Variants in COL24A1 observed in about 807,000 individuals in gnomAD.
COL24A1 encodes collagen alpha-1(XXIV) chain.
COL24A1 carries 224 observed loss-of-function variants against 253.9 expected under a neutral mutation model. The ratio of observed to expected loss-of-function variants is 0.88; its 90% CI spans 0.79 to 0.99. The LOEUF (loss-of-function observed/expected upper bound fraction) is 0.99. Among genes scored for constraint, COL24A1 ranks in the 50% least tolerant of loss-of-function variants. The pLI is 0.00. For synonymous variants in COL24A1, 685 were observed against 673.7 expected (o/e 1.02, Z -0.26); for missense variants, 2,131 against 2,068.5 (o/e 1.03, Z -0.59).
At chr1:85,816,580 G>A (rs922297801) in intron 47 of COL24A1, among the ~76,000 whole-genome samples, 1 of 152,092 alleles carries the variant, frequency 6.6e-6, no homozygotes, top group South Asian at 2.1e-4. Context: ...TTAACACTAT[G>A]AGTTATTAGA....
intron 37 of COL24A1, among the ~76,000 whole-genome samples, chr1:85,851,640 T>A (rs1677778146): frequency 1.3e-5 from 2 of 152,186 alleles, no homozygotes; most frequent in South Asian, 4.1e-4. Flanking sequence ...GGGTGCAGAA[T>A]GATGTTATCA....
At chr1:85,981,018 A>C (rs987740069) in intron 20 of COL24A1, among the ~76,000 whole-genome samples, 7 of 152,252 alleles carry the variant, frequency 4.6e-5, no homozygotes, top group Non-Finnish European at 1.0e-4. Context: ...AGCAAATGGA[A>C]ACATATCCCA....
chr1:86,067,110 G>A (rs947349032), intron 7 of COL24A1, among the ~76,000 whole-genome samples: 2 of 151,614 alleles, frequency 1.3e-5, no homozygotes, highest in South Asian at 2.1e-4. Flanking sequence ...CTGCACTCTA[G>A]CCTGGGTGAC....
At chr1:85,763,177 G>A (rs1259212701) in intron 53 of COL24A1, among the ~76,000 whole-genome samples, 1 of 152,092 alleles carries the variant, frequency 6.6e-6, no homozygotes. Context: ...AGTACTTTGG[G>A]AGGTCAAGGC....
intron 43 of COL24A1, among the ~76,000 whole-genome samples, chr1:85,826,819 T>A (rs943881790): frequency 5.9e-5 from 9 of 152,138 alleles, no homozygotes; most frequent in Non-Finnish European, 1.0e-4. Flanking sequence ...CTTAAGGAGA[T>A]TTTGGGCTGA....
intron 24 of COL24A1, among the ~76,000 whole-genome samples, chr1:85,925,053 G>C (rs1459095436): frequency 6.6e-6 from 1 of 152,122 alleles, no homozygotes; most frequent in Admixed American, 6.5e-5. Flanking sequence ...GCCAAATCAT[G>C]AGTGAACTCT....
At chr1:85,796,539 C>T (rs1670823113) in intron 47 of COL24A1, among the ~76,000 whole-genome samples, 1 of 152,116 alleles carries the variant, frequency 6.6e-6, no homozygotes, top group Non-Finnish European at 1.5e-5. Flanking sequence ...TCTACTCATA[C>T]TATCTTATTT....
chr1:86,156,248 CG>C, intron 1 of COL24A1, 92 bp downstream of exon 1: 1 of 1,252,506 alleles, frequency 8.0e-7, no homozygotes. Flanking sequence ...GCCAAGGAGC[CG>C]GACTTCAGAT....
chr1:86,092,700 TATA>T (rs1180261139), intron 5 of COL24A1, among the ~76,000 whole-genome samples: 1 of 151,930 alleles, frequency 6.6e-6, no homozygotes, highest in Non-Finnish European at 1.5e-5. Flanking sequence ...GAAAACTTCT[TATA>T]ATAATCCTTA....
At chr1:85,863,436 A>G (rs1355393773) in intron 37 of COL24A1, among the ~76,000 whole-genome samples, 3 of 152,270 alleles carry the variant, frequency 2.0e-5, no homozygotes, top group Non-Finnish European at 2.9e-5. Flanking sequence ...TAGATCTAAA[A>G]CCATAAAAAC....
chr1:85,978,042 C>T (rs541400277), intron 20 of COL24A1, among the ~76,000 whole-genome samples: 41 of 152,190 alleles, frequency 2.7e-4, no homozygotes, highest in African/African-American at 9.4e-4. Flanking sequence ...CAGCAGAAAC[C>T]CTACAAGCCA....
intron 2 of COL24A1, among the ~76,000 whole-genome samples, chr1:86,135,899 C>T (rs116021803): frequency 6.6e-6 from 1 of 152,004 alleles, no homozygotes; most frequent in Non-Finnish European, 1.5e-5. Context: ...TCCTTTTGCT[C>T]ATTAATTCCT....
intron 5 of COL24A1, among the ~76,000 whole-genome samples, chr1:86,096,830 ATTGTCT>A (rs1187710285): frequency 6.6e-5 from 10 of 151,992 alleles, no homozygotes; most frequent in Admixed American, 4.6e-4. Flanking sequence ...GTGTCCAATA[ATTGTCT>A]TAGTCAATTC....
chr1:86,017,534 T>C (rs868320107), intron 18 of COL24A1, among the ~76,000 whole-genome samples: 2 of 152,178 alleles, frequency 1.3e-5, no homozygotes, highest in South Asian at 2.1e-4. Context: ...TAGGGAATTC[T>C]AGAGGAGAAA....
intron 47 of COL24A1, among the ~76,000 whole-genome samples, chr1:85,797,763 C>T (rs1670989665): frequency 6.6e-6 from 1 of 152,138 alleles, no homozygotes. Flanking sequence ...TGGAACAGTG[C>T]CTGGGATACA....
At chr1:86,128,439 C>T (rs1342059476) in intron 2 of COL24A1, among the ~76,000 whole-genome samples, 1 of 151,930 alleles carries the variant, frequency 6.6e-6, no homozygotes, top group Non-Finnish European at 1.5e-5. Context: ...TATATATGAT[C>T]ATAAAGTATC....
At chr1:86,042,602 A>G (rs975593738) in intron 12 of COL24A1, among the ~76,000 whole-genome samples, 16 of 152,142 alleles carry the variant, frequency 1.1e-4, no homozygotes, top group African/African-American at 3.9e-4. Context: ...GTCCATTTCA[A>G]TTGCATTCAT....
At chr1:86,092,364 A>C (rs771277342) in intron 5 of COL24A1, 44 bp from the exon 6 acceptor site, 1 of 1,397,732 alleles carries the variant, frequency 7.2e-7, no homozygotes, top group South Asian at 1.2e-5. Flanking sequence ...CATAAGTTGC[A>C]TATAATGTGT....
At chr1:86,078,230 G>C (rs558099888) in intron 7 of COL24A1, among the ~76,000 whole-genome samples, 3 of 152,004 alleles carry the variant, frequency 2.0e-5, no homozygotes, top group Non-Finnish European at 4.4e-5. Flanking sequence ...TGCTGAAAAG[G>C]CATTTGATAA....
Sources: gnomAD v4.1 joint callset for allele counts (sites outside exome capture counted in the v4.1 genomes callset) on GRCh38, gnomAD v4.1.1 for gene constraint, MANE v1.5 for transcripts, NCBI Gene and HGNC (gene_info 2026-07-23, HGNC 2026-07-21) for gene names.